JARID2: variants seen among roughly 807,000 people sequenced by gnomAD.
The protein encoded by JARID2 is protein Jumonji.
Under a neutral mutation model 125.6 loss-of-function variants are expected in JARID2, and 21 were observed. That is an observed-to-expected ratio of 0.17 (90% CI 0.12 to 0.24). JARID2 has a LOEUF of 0.24. Among genes scored for constraint, JARID2 ranks in the 10% least tolerant of loss-of-function variants. The pLI is 1.00. For synonymous variants in JARID2, 736 were observed against 661.6 expected, an observed-to-expected ratio of 1.11 and a Z score of -1.73; for missense variants, 1,303 against 1,639.6, an observed-to-expected ratio of 0.79 and a Z score of 3.55.
chr6:15,254,902 C>T (rs1264182533), intron 1 of JARID2, among the ~76,000 whole-genome samples: 11 of 150,840 alleles, frequency 7.3e-5, no homozygotes, highest in South Asian at 4.2e-4. Flanking sequence ...GTTAGCCAGG[C>T]GTGGTGGTGG....
intron 1 of JARID2, among the ~76,000 whole-genome samples, chr6:15,282,320 G>A (rs1760784679): frequency 6.6e-6 from 1 of 152,176 alleles, no homozygotes; most frequent in African/African-American, 2.4e-5. Context: ...AACAGCATAT[G>A]AGAGTCTTTA....
intron 1 of JARID2, among the ~76,000 whole-genome samples, chr6:15,310,751 C>G (rs922574421): frequency 1.3e-5 from 2 of 152,190 alleles, no homozygotes; most frequent in African/African-American, 4.8e-5. Context: ...TGGCCCAGTT[C>G]TGGAAGTTGA....
intron 1 of JARID2, among the ~76,000 whole-genome samples, chr6:15,332,282 T>A (rs1206173701): frequency 6.6e-6 from 1 of 152,224 alleles, no homozygotes; most frequent in African/African-American, 2.4e-5. Flanking sequence ...GGAATTTAAT[T>A]TTTAGATATA....
chr6:15,449,581 T>A (rs1167558620), intron 3 of JARID2, among the ~76,000 whole-genome samples: 4 of 151,668 alleles, frequency 2.6e-5, no homozygotes, highest in Non-Finnish European at 5.9e-5. Flanking sequence ...GGTGGGAAGA[T>A]CTCCTGAGCC....
rs982389911 is a variant in JARID2 at position 15,399,075 on chromosome 6, T to A, written c.182-11149T>A. ...ATCCCCCGAATGTCCTTTAATTGAC[T>A]CTGTATGACTTACGCTGTAGTGGGG... is the stretch of plus-strand genomic sequence containing the variant. On this transcript the variant is annotated intron_variant, in intron 2 of 17. Transcript: ENST00000341776. Among the ~76,000 whole-genome samples the A allele has an allele frequency of 2.0e-5, 3 of 152,198 alleles. No homozygotes were observed. The South Asian group carries it at 6.2e-4, about 32-fold the overall frequency.
chr6:15,373,641 C>T (rs2127514920), intron 1 of JARID2, among the ~76,000 whole-genome samples: 1 of 152,226 alleles, frequency 6.6e-6, no homozygotes, highest in East Asian at 1.9e-4. Context: ...CTTGAATGCA[C>T]AGCACCCATA....
intron 6 of JARID2, among the ~76,000 whole-genome samples, chr6:15,487,907 C>T (rs1249512649): frequency 7.0e-6 from 1 of 142,286 alleles, no homozygotes; most frequent in Admixed American, 7.7e-5. Flanking sequence ...TGGGATAGTT[C>T]TGTTAATGGA....
chr6:15,429,877 G>A (rs189045122), intron 3 of JARID2, among the ~76,000 whole-genome samples: 20 of 152,252 alleles, frequency 1.3e-4, no homozygotes, highest in Non-Finnish European at 2.6e-4. Flanking sequence ...AAAATGTACC[G>A]TGTAAATTTT....
chr6:15,520,144 A>G lies in JARID2; in HGVS notation c.3634A>G (p.Ser1212Gly). ...GKNGSIENCL[S>G]KPTPKRGPRK... is the part of the protein sequence containing the mutation. ...AAACGGCAGCATTGAGAACTGTCTC[A>G]GTAAACCCACACCAAAAAGAGGTCC... The change falls in exon 18 of 18, where the codon AGT becomes GGT. Residue 1212 changes from serine (S) to glycine (G), a missense_variant. Physicochemically the swap from Ser to Gly is moderately conservative, Grantham distance 56 (BLOSUM62 0). Around this residue, in one of 11 missense-constraint regions of JARID2, gnomAD observed 75 missense variants for 66.0 expected, o/e 1.14. Transcript: ENST00000341776. 2 of 1,614,062 alleles carry G rather than the reference A, an allele frequency of 1.2e-6. No homozygotes were observed. Among genetic ancestry groups the G allele is most frequent in the Non-Finnish European group, 1.7e-6 (2 of 1,179,920 alleles).
At chr6:15,509,354 TAAAC>T (rs1166854496) in intron 12 of JARID2, 6 of 985,454 alleles carry the variant, frequency 6.1e-6, no homozygotes, top group East Asian at 1.1e-4. Flanking sequence ...TTTATTAAAA[TAAAC>T]AAAGTCTTAG....
chr6:15,392,039 G>GGTGTGTGTGTGTGTGTGTGTGTGTGT (rs55811028), intron 2 of JARID2, among the ~76,000 whole-genome samples: 5 of 122,724 alleles, frequency 4.1e-5, no homozygotes, highest in African/African-American at 1.6e-4. Context: ...ATCCCAGAGT[G>GGTGTGTGTGTGTGTGTGTGTGTGTGT]GTGTGTGTGT....
intron 2 of JARID2, among the ~76,000 whole-genome samples, chr6:15,404,393 A>C (rs1434552503): frequency 6.6e-6 from 1 of 152,128 alleles, no homozygotes; most frequent in East Asian, 1.9e-4. Context: ...TCTTTGCAAA[A>C]CTTGAGTGAA....
chr6:15,508,893 G>C, intron 12 of JARID2: 1 of 1,125,446 alleles, frequency 8.9e-7, no homozygotes, highest in Non-Finnish European at 1.2e-6. Flanking sequence ...CTAACCAGTA[G>C]TAGTGACCGT....
intron 5 of JARID2, among the ~76,000 whole-genome samples, chr6:15,487,099 C>A (rs114587673): frequency 3.4e-4 from 51 of 152,200 alleles, no homozygotes; most frequent in African/African-American, 1.2e-3. Context: ...ACCATCAGAT[C>A]TCATGAGAAC....
intron 1 of JARID2, among the ~76,000 whole-genome samples, chr6:15,366,509 CGGGGGGGGCGGGGGGGGT>C (rs1763980510): frequency 8.2e-4 from 4 of 4,876 alleles, no homozygotes; most frequent in Non-Finnish European, 1.4e-3. Flanking sequence ...GGGTGGGGGG[CGGGGGGGGCGGGGGGGGT>C]GGGGGGTGGG....
chr6:15,500,897 G>C lies in JARID2; in HGVS notation c.1946-10G>C. The C allele has an allele frequency of 6.4e-7, 1 of 1,571,484 alleles. No individual in the cohort carries two copies. The highest frequency in any genetic ancestry group is 8.6e-7 in the Non-Finnish European group (1 of 1,160,438). ...TAACTGTCCCGTTTTTTTCCCCTTC[G>C]CTGTCCCAGGGGGCTGTGAGCTCGA... On this transcript the variant is annotated splice_polypyrimidine_tract_variant and intron_variant, in intron 7 of 17. Coordinates refer to ENST00000341776, the MANE Select transcript of JARID2 (RefSeq NM_004973.4).
At position 15,346,201 on chromosome 6, in the gene JARID2, C is replaced by T. The variant is rs575711770; in HGVS notation, c.46-27916C>T. Among the ~76,000 whole-genome samples the T allele has an allele frequency of 2.4e-4, 36 of 152,304 alleles. 1 individual carries two copies. The South Asian group carries it at 7.5e-3, about 32-fold the overall frequency. On this transcript the variant is annotated intron_variant, in intron 1 of 17. Coordinates refer to ENST00000341776, the MANE Select transcript of JARID2 (RefSeq NM_004973.4). ...AGTTTAAATGTGCTTCCCAAAGATC[C>T]TGGCTTCCATTAAGATATTCATTTA...
intron 1 of JARID2, among the ~76,000 whole-genome samples, chr6:15,329,412 A>G (rs1185465052): frequency 6.6e-6 from 1 of 152,134 alleles, no homozygotes; most frequent in Non-Finnish European, 1.5e-5. Flanking sequence ...GATCTAACAG[A>G]AAAGTTTGAA....
chr6:15,360,351 ATTT>A (rs937193751), intron 1 of JARID2, among the ~76,000 whole-genome samples: 1 of 151,864 alleles, frequency 6.6e-6, no homozygotes, highest in African/African-American at 2.4e-5. Flanking sequence ...TGCCCAGCTA[ATTT>A]TTGTATTTTT....
Sources: allele counts gnomAD v4.1 joint callset (sites outside exome capture counted in the v4.1 genomes callset), GRCh38; gene constraint gnomAD v4.1.1; regional missense constraint gnomAD v4.1.1; transcripts MANE v1.5; gene names NCBI Gene and HGNC (gene_info 2026-07-23, HGNC 2026-07-21).